TMEM232: variants seen among roughly 807,000 people sequenced by gnomAD.
The protein encoded by TMEM232 is transmembrane protein 232.
A neutral mutation model predicts 78.8 loss-of-function variants in TMEM232; 80 were observed. That is an observed-to-expected ratio of 1.01 (90% CI 0.85 to 1.22). The LOEUF (loss-of-function observed/expected upper bound fraction) is 1.22. TMEM232 is among the 50% of genes most tolerant of loss of function. The probability of loss-of-function intolerance (pLI) is 0.00; values close to 1 mark genes in which losing one functional copy is unlikely to be tolerated. For missense variants in TMEM232, 881 were observed against 742.2 expected (o/e 1.19, Z -2.17); for synonymous variants, 297 against 254.3 (o/e 1.17, Z -1.60).
At chr5:110,484,214 C>A (rs1764218385) in intron 12 of TMEM232, among the ~76,000 whole-genome samples, 1 of 151,986 alleles carries the variant, frequency 6.6e-6, no homozygotes. Context: ...TGCTCACTAC[C>A]CAAATGACAG....
At chr5:110,470,347 C>T (rs1198412715) in intron 12 of TMEM232, among the ~76,000 whole-genome samples, 1 of 151,488 alleles carries the variant, frequency 6.6e-6, no homozygotes, top group East Asian at 1.9e-4. Context: ...CACATTCTAC[C>T]CGACCACAGA....
At chr5:110,548,222 T>G (rs1258738015) in intron 11 of TMEM232, among the ~76,000 whole-genome samples, 1 of 151,022 alleles carries the variant, frequency 6.6e-6, no homozygotes, top group Non-Finnish European at 1.5e-5. Flanking sequence ...AAAGCAATAA[T>G]AATATACTGG....
At position 110,497,642 on chromosome 5, in the gene TMEM232, A is replaced by G. The variant is rs367648525; in HGVS notation, c.1703+30946T>C. Among the ~76,000 whole-genome samples, 10 of 152,314 alleles carry G rather than the reference A, an allele frequency of 6.6e-5. 1 individual carries two copies. The East Asian group carries it at 7.7e-4, about 12-fold the overall frequency. On this transcript the variant is annotated intron_variant, in intron 12 of 13. Coordinates refer to ENST00000455884, the MANE Select transcript of TMEM232 (RefSeq NM_001039763.4). ...TCATAGCACCTAAATGGCAAAAGCT[A>G]GTGAGGTTGACCCTTGATATACTCC... is the stretch of plus-strand genomic sequence containing the variant.
chr5:110,536,352 G>C (rs191683359), intron 11 of TMEM232, among the ~76,000 whole-genome samples: 18 of 152,326 alleles, frequency 1.2e-4, no homozygotes, highest in African/African-American at 4.3e-4. Context: ...AGGGCAACTG[G>C]CCAGGGCCAC....
At chr5:110,686,382 T>A (rs1464512004) in intron 1 of TMEM232, among the ~76,000 whole-genome samples, 1 of 151,832 alleles carries the variant, frequency 6.6e-6, no homozygotes, top group Non-Finnish European at 1.5e-5. Context: ...TCTAACCAAG[T>A]GCGCAAGTAA....
intron 1 of TMEM232, 132 bp downstream of exon 1, chr5:110,726,495 G>A (rs930548899): frequency 3.3e-5 from 5 of 152,306 alleles, no homozygotes; most frequent in Admixed American, 3.3e-4. Context: ...ACAAAGCTAT[G>A]GCACCCTGAG....
At chr5:110,629,794 T>C (rs559631529) in intron 5 of TMEM232, among the ~76,000 whole-genome samples, 1 of 152,334 alleles carries the variant, frequency 6.6e-6, no homozygotes, top group South Asian at 2.1e-4. Flanking sequence ...ATCTAATACA[T>C]ATAAAACTGT....
chr5:110,540,244 A>C (rs1038767270), intron 11 of TMEM232, among the ~76,000 whole-genome samples: 1 of 152,168 alleles, frequency 6.6e-6, no homozygotes, highest in East Asian at 1.9e-4. Flanking sequence ...AGCTGGATGG[A>C]GTGGCCTCGG....
At chr5:110,638,051 C>T (rs1297575259) in intron 5 of TMEM232, 147 bp downstream of exon 5, 5 of 575,864 alleles carry the variant, frequency 8.7e-6, no homozygotes, top group Non-Finnish European at 1.4e-5. Flanking sequence ...TAACGTACTA[C>T]TCACAATTAG....
chr5:110,641,903 A>G (rs1219254794), intron 3 of TMEM232, among the ~76,000 whole-genome samples: 5 of 152,330 alleles, frequency 3.3e-5, no homozygotes, highest in African/African-American at 1.2e-4. Context: ...GAGAAAGAAC[A>G]GAGTACTTTG....
chr5:110,611,118 C>G (rs1158970215), intron 8 of TMEM232, among the ~76,000 whole-genome samples: 2 of 151,928 alleles, frequency 1.3e-5, no homozygotes, highest in Non-Finnish European at 2.9e-5. Context: ...AAGGAGAAGA[C>G]AGAACATCTG....
At chr5:110,568,009 C>G (rs1776534787) in intron 11 of TMEM232, among the ~76,000 whole-genome samples, 1 of 151,946 alleles carries the variant, frequency 6.6e-6, no homozygotes, top group Non-Finnish European at 1.5e-5. Context: ...TAACATAGCC[C>G]TCAAATTAGA....
chr5:110,458,174 A>G (rs976567744), intron 12 of TMEM232, among the ~76,000 whole-genome samples: 1 of 152,032 alleles, frequency 6.6e-6, no homozygotes, highest in African/African-American at 2.4e-5. Flanking sequence ...GGCTAATTTT[A>G]AGTTGATATT....
intron 12 of TMEM232, among the ~76,000 whole-genome samples, chr5:110,491,496 G>A (rs183887016): frequency 2.4e-4 from 37 of 152,052 alleles, no homozygotes; most frequent in African/African-American, 8.4e-4. Context: ...CAGGGACTGG[G>A]GGAAGAGAAG....
chr5:110,487,075 G>A (rs1764544197), intron 12 of TMEM232, among the ~76,000 whole-genome samples: 1 of 151,472 alleles, frequency 6.6e-6, no homozygotes, highest in Non-Finnish European at 1.5e-5. Flanking sequence ...TGTAGCTATT[G>A]TAAAGAAGAC....
chr5:110,542,998 T>C (rs57965763), intron 11 of TMEM232, among the ~76,000 whole-genome samples: 22,415 of 152,142 alleles, frequency 0.15, 4,265 homozygotes, highest in African/African-American at 0.44. Context: ...TGCTCAAGCC[T>C]GCTCCCACCC....
intron 5 of TMEM232, among the ~76,000 whole-genome samples, chr5:110,633,349 G>A (rs891521531): frequency 2.7e-4 from 41 of 152,028 alleles, no homozygotes; most frequent in Non-Finnish European, 7.4e-5. Context: ...AGACTCAAAT[G>A]GTACCACAAC....
intron 10 of TMEM232, among the ~76,000 whole-genome samples, chr5:110,598,015 G>A (rs896643035): frequency 1.6e-4 from 24 of 152,096 alleles, no homozygotes; most frequent in Non-Finnish European, 3.2e-4. Context: ...TGACAAATGG[G>A]ATCTAATTAA....
chr5:110,665,514 T>TA (rs1790444867), intron 2 of TMEM232, among the ~76,000 whole-genome samples: 1 of 151,940 alleles, frequency 6.6e-6, no homozygotes, highest in African/African-American at 2.4e-5. Flanking sequence ...AGGCACCTCT[T>TA]AACATGGTGG....
Sources: allele counts gnomAD v4.1 joint callset (sites outside exome capture counted in the v4.1 genomes callset), GRCh38; gene constraint gnomAD v4.1.1; transcripts MANE v1.5; gene names NCBI Gene and HGNC (gene_info 2026-07-23, HGNC 2026-07-21).